Variants in MED27 observed in about 807,000 individuals in gnomAD.
MED27 encodes the protein mediator of RNA polymerase II transcription subunit 27.
Under a neutral mutation model 38.2 loss-of-function variants are expected in MED27, and 30 were observed. The observed-to-expected ratio is 0.79, with a 90% CI of 0.59 to 1.07. MED27 has a LOEUF of 1.07. Among genes scored for constraint, MED27 ranks in the 50% least tolerant of loss-of-function variants. The probability of loss-of-function intolerance (pLI) is 0.00; values close to 1 mark genes in which losing one functional copy is unlikely to be tolerated. For synonymous variants in MED27, 122 were observed against 153.5 expected (o/e 0.79, Z 1.52); for missense variants, 289 against 397.5 (o/e 0.73, Z 2.32).
chr9:132,004,464 G>C (rs140302348), intron 3 of MED27, among the ~76,000 whole-genome samples: 2 of 152,278 alleles, frequency 1.3e-5, no homozygotes, highest in Admixed American at 1.3e-4. Flanking sequence ...TCTGCTACTT[G>C]ATTAATCTTC....
intron 4 of MED27, among the ~76,000 whole-genome samples, chr9:131,934,676 G>C (rs918391059): frequency 1.5e-4 from 23 of 152,096 alleles, no homozygotes; most frequent in African/African-American, 5.1e-4. Flanking sequence ...CCAAAAAATA[G>C]AGCTACCATA....
intron 4 of MED27, among the ~76,000 whole-genome samples, chr9:131,908,144 GCTC>G (rs1830108833): frequency 2.5e-5 from 1 of 40,638 alleles, no homozygotes; most frequent in Admixed American, 2.5e-4. Flanking sequence ...TCAGCCCCCC[GCTC>G]GGCCAGCCGC....
chr9:132,076,289 C>T (rs1424993078), intron 2 of MED27, among the ~76,000 whole-genome samples: 1 of 151,806 alleles, frequency 6.6e-6, no homozygotes, highest in African/African-American at 2.4e-5. Flanking sequence ...TAAATCTAGA[C>T]CCAGCTGGGT....
intron 3 of MED27, among the ~76,000 whole-genome samples, chr9:131,993,381 G>A (rs1177587518): frequency 4.6e-5 from 7 of 152,160 alleles, no homozygotes; most frequent in African/African-American, 1.7e-4. Context: ...CACAGCTGAG[G>A]ACGAAAGAGG....
chr9:131,899,741 C>T (rs934471303), intron 4 of MED27, among the ~76,000 whole-genome samples: 1 of 152,218 alleles, frequency 6.6e-6, no homozygotes, highest in African/African-American at 2.4e-5. Context: ...CTCTAGCAGA[C>T]CTTCCAGCCC....
intron 2 of MED27, among the ~76,000 whole-genome samples, chr9:132,071,019 A>G (rs1833923083): frequency 6.6e-6 from 1 of 152,196 alleles, no homozygotes; most frequent in Non-Finnish European, 1.5e-5. Context: ...ATGGGCCACC[A>G]CTGCCTGGAA....
chr9:132,014,557 T>C (rs1221752313), intron 2 of MED27, 90 bp from the exon 3 acceptor site: 2 of 1,320,860 alleles, frequency 1.5e-6, no homozygotes, highest in Non-Finnish European at 2.1e-6. Flanking sequence ...CTTGATAATC[T>C]TATCCCCTTA....
intron 4 of MED27, among the ~76,000 whole-genome samples, chr9:131,929,016 T>A (rs537149325): frequency 6.6e-6 from 1 of 152,196 alleles, no homozygotes; most frequent in African/African-American, 2.4e-5. Context: ...TCGTCTTGCA[T>A]CTTGGACATC....
intron 2 of MED27, among the ~76,000 whole-genome samples, chr9:132,049,289 AGTT>A (rs1164813237): frequency 6.6e-6 from 1 of 152,220 alleles, no homozygotes; most frequent in Non-Finnish European, 1.5e-5. Flanking sequence ...TGATATCAAT[AGTT>A]ATTAGGACAC....
chr9:132,017,337 T>C (rs896399946), intron 2 of MED27, among the ~76,000 whole-genome samples: 1 of 152,176 alleles, frequency 6.6e-6, no homozygotes, highest in African/African-American at 2.4e-5. Flanking sequence ...AAATTAACAT[T>C]AGAAACATAT....
rs1188411213 is a variant in MED27 at position 132,034,156 on chromosome 9, C to T, written c.349-19689G>A. Among the ~76,000 whole-genome samples, 3 of 152,166 alleles carry T rather than the reference C, an allele frequency of 2.0e-5. No individual in the cohort carries two copies. The East Asian group carries it at 5.8e-4, about 29-fold the overall frequency. On this transcript the variant is annotated intron_variant, in intron 2 of 7. Coordinates refer to ENST00000292035, the MANE Select transcript of MED27 (RefSeq NM_004269.4). ...AATGTGGCTTACTGCTCTCCCCCTC[C>T]CCCAGCTCAAGAATCAAGAGGAATT... is the stretch of plus-strand genomic sequence containing the variant.
chr9:131,871,425 T>C (rs933457599), intron 6 of MED27, among the ~76,000 whole-genome samples: 7 of 152,214 alleles, frequency 4.6e-5, no homozygotes, highest in Non-Finnish European at 7.3e-5. Context: ...TAATACACTA[T>C]TGTCCTCAGC....
chr9:132,039,292 CAG>C (rs1343465098), intron 2 of MED27, among the ~76,000 whole-genome samples: 2 of 152,154 alleles, frequency 1.3e-5, no homozygotes, highest in Admixed American at 1.3e-4. Flanking sequence ...CGGGAGAACT[CAG>C]GGGCTAGTGA....
chr9:132,051,962 A>C lies in MED27; in HGVS notation c.348+25480T>G, dbSNP rs980550575. Among the ~76,000 whole-genome samples the C allele has an allele frequency of 3.3e-5, 5 of 152,376 alleles. No homozygotes were observed. In the South Asian group the frequency reaches 1.0e-3, roughly 32 times the overall value. On this transcript the variant is annotated intron_variant, in intron 2 of 7. Coordinates refer to ENST00000292035, the MANE Select transcript of MED27 (RefSeq NM_004269.4). The surrounding 1 kb of genome is among the most constrained non-coding windows in gnomAD (Gnocchi z 4.2). ...TAGTTGATCAAAAGATGAATAAAAC[A>C]AAACAACTGTGTTCCAGGAAAAAGG...
chr9:132,032,135 C>T (rs1309861740), intron 2 of MED27: 5 of 152,150 alleles, frequency 3.3e-5, no homozygotes, highest in Non-Finnish European at 5.9e-5. Context: ...CGGGGGACGG[C>T]TCTGCCACAA....
chr9:131,868,505 G>C (rs1422983510), intron 6 of MED27: 2 of 904,334 alleles, frequency 2.2e-6, no homozygotes, highest in Non-Finnish European at 2.6e-6. Flanking sequence ...TCCAACTCCT[G>C]GCTCAAGTGA....
At chr9:132,001,995 C>T (rs1296724459) in intron 3 of MED27, among the ~76,000 whole-genome samples, 2 of 152,210 alleles carry the variant, frequency 1.3e-5, no homozygotes, top group Non-Finnish European at 2.9e-5. Context: ...GTTCCAAAGT[C>T]CCCCTTACCT....
intron 3 of MED27, among the ~76,000 whole-genome samples, chr9:131,943,650 T>C (rs1057143107): frequency 2.0e-5 from 3 of 152,228 alleles, no homozygotes; most frequent in Non-Finnish European, 4.4e-5. Flanking sequence ...TAGTTTACAC[T>C]TGAGCAGACG....
intron 2 of MED27, among the ~76,000 whole-genome samples, chr9:132,066,413 C>G (rs1439762262): frequency 6.6e-6 from 1 of 152,206 alleles, no homozygotes; most frequent in African/African-American, 2.4e-5. Context: ...TCAGAAACAG[C>G]CTCCAATTCC....
Sources: allele counts gnomAD v4.1 joint callset (sites outside exome capture counted in the v4.1 genomes callset), GRCh38; gene constraint gnomAD v4.1.1; non-coding constraint Gnocchi (gnomAD v3.1); transcripts MANE v1.5; gene names NCBI Gene and HGNC (gene_info 2026-07-23, HGNC 2026-07-21).